Variants in SEMA6D observed in about 807,000 individuals in gnomAD.
SEMA6D encodes semaphorin-6D.
Under a neutral mutation model 106.6 loss-of-function variants are expected in SEMA6D, and 35 were observed. The ratio of observed to expected loss-of-function variants is 0.33; its 90% CI spans 0.25 to 0.44. The LOEUF is 0.44. SEMA6D is among the 20% of genes least tolerant of loss of function. The probability of loss-of-function intolerance (pLI) is 1.00; values close to 1 mark genes in which losing one functional copy is unlikely to be tolerated. For missense variants in SEMA6D, 1,185 were observed against 1,345.9 expected (o/e 0.88, Z 1.87); for synonymous variants, 499 against 487.7 (o/e 1.02, Z -0.31).
chr15:47,420,643 G>T (rs1055293323), intron 2 of SEMA6D, among the ~76,000 whole-genome samples: 10 of 152,076 alleles, frequency 6.6e-5, no homozygotes, highest in African/African-American at 2.4e-4. Context: ...CTGTTGTTGA[G>T]TCATAAGTGA....
At chr15:47,747,661 T>A (rs2081218729) in intron 1 of SEMA6D, among the ~76,000 whole-genome samples, 1 of 152,154 alleles carries the variant, frequency 6.6e-6, no homozygotes, top group Non-Finnish European at 1.5e-5. Context: ...CCCTTTCTTC[T>A]CTCCCATAGT....
At chr15:47,227,569 TCACACACA>T (rs1555407289) in intron 1 of SEMA6D, among the ~76,000 whole-genome samples, 6 of 127,898 alleles carry the variant, frequency 4.7e-5, no homozygotes, top group East Asian at 2.2e-4. Context: ...TCTCTCTCTC[TCACACACA>T]CACACACACA....
intron 1 of SEMA6D, among the ~76,000 whole-genome samples, chr15:47,323,985 C>CAA (rs11299568): frequency 3.5e-5 from 5 of 143,142 alleles, no homozygotes; most frequent in Admixed American, 2.1e-4. Context: ...ATACAAGTGG[C>CAA]AAAAAAAAAA....
chr15:47,251,908 T>A (rs1331759342), intron 1 of SEMA6D, among the ~76,000 whole-genome samples: 1 of 75,612 alleles, frequency 1.3e-5, no homozygotes, highest in Non-Finnish European at 2.4e-5. Flanking sequence ...TCTAATTGGA[T>A]TTTTTTTTTT....
chr15:47,335,301 G>T (rs2037508156), intron 1 of SEMA6D, among the ~76,000 whole-genome samples: 1 of 152,090 alleles, frequency 6.6e-6, no homozygotes, highest in Non-Finnish European at 1.5e-5. Context: ...ACATGTTTGG[G>T]TTGATGCAGA....
intron 1 of SEMA6D, among the ~76,000 whole-genome samples, chr15:47,723,729 C>G (rs947463693): frequency 6.6e-6 from 1 of 151,686 alleles, no homozygotes; most frequent in South Asian, 2.1e-4. Context: ...TTCAGGATCT[C>G]TATGAGAAGA....
At chr15:47,623,864 A>G (rs539620967) in intron 4 of SEMA6D, among the ~76,000 whole-genome samples, 1 of 152,302 alleles carries the variant, frequency 6.6e-6, no homozygotes, top group South Asian at 2.1e-4. Context: ...TCTATAATCC[A>G]TTCTTCACAC....
intron 1 of SEMA6D, among the ~76,000 whole-genome samples, chr15:47,731,519 G>A (rs911049584): frequency 6.6e-6 from 1 of 152,180 alleles, no homozygotes; most frequent in African/African-American, 2.4e-5. Flanking sequence ...AGCCCTCATT[G>A]AGCATGGTCT....
chr15:47,342,315 A>G (rs746103133), intron 1 of SEMA6D, among the ~76,000 whole-genome samples: 13 of 152,198 alleles, frequency 8.5e-5, no homozygotes, highest in Non-Finnish European at 1.9e-4. Context: ...CACTAGATTC[A>G]TGAGTTGTTC....
chr15:47,559,742 C>T (rs1237444000), intron 3 of SEMA6D, among the ~76,000 whole-genome samples: 3 of 152,030 alleles, frequency 2.0e-5, no homozygotes, highest in African/African-American at 2.4e-5. Context: ...CCCAAAAATA[C>T]CAGGTCAATG....
intron 1 of SEMA6D, among the ~76,000 whole-genome samples, chr15:47,380,049 C>A (rs1346051270): frequency 1.3e-5 from 2 of 152,166 alleles, no homozygotes; most frequent in African/African-American, 2.4e-5. Context: ...AGCCACCATG[C>A]CCGGCCAAGA....
chr15:47,438,442 T>C (rs2041788245), intron 2 of SEMA6D, among the ~76,000 whole-genome samples: 1 of 152,096 alleles, frequency 6.6e-6, no homozygotes, highest in African/African-American at 2.4e-5. Flanking sequence ...TTGCACACAG[T>C]AAAAGCCAAC....
chr15:47,410,728 G>C (rs991700406), intron 1 of SEMA6D, among the ~76,000 whole-genome samples: 9 of 152,120 alleles, frequency 5.9e-5, no homozygotes, highest in African/African-American at 2.4e-5. Flanking sequence ...TCTTTAGGAA[G>C]TAAGGCCAAA....
intron 1 of SEMA6D, among the ~76,000 whole-genome samples, chr15:47,381,086 T>C (rs970982574): frequency 2.0e-5 from 3 of 152,274 alleles, no homozygotes; most frequent in Non-Finnish European, 1.5e-5. Flanking sequence ...GCTACCAGCC[T>C]GAAGGGCTGA....
At chr15:47,248,312 T>A (rs2141880250) in intron 1 of SEMA6D, among the ~76,000 whole-genome samples, 1 of 152,322 alleles carries the variant, frequency 6.6e-6, no homozygotes, top group East Asian at 1.9e-4. Context: ...GCATTGTATC[T>A]CATTATCAGG....
At chr15:47,530,479 A>T (rs1054633654) in intron 3 of SEMA6D, among the ~76,000 whole-genome samples, 1 of 152,242 alleles carries the variant, frequency 6.6e-6, no homozygotes, top group African/African-American at 2.4e-5. Flanking sequence ...TATAAAATAT[A>T]TACGTAAACT....
intron 1 of SEMA6D, among the ~76,000 whole-genome samples, chr15:47,336,264 C>T (rs1039263488): frequency 6.6e-6 from 1 of 152,172 alleles, no homozygotes; most frequent in Admixed American, 6.6e-5. Flanking sequence ...GGGGATGTTT[C>T]CCCTACCTAA....
chr15:47,262,984 T>C (rs117597112), intron 1 of SEMA6D, among the ~76,000 whole-genome samples: 2 of 150,148 alleles, frequency 1.3e-5, no homozygotes, highest in East Asian at 3.9e-4. Context: ...CTGGGATATC[T>C]AGCTAGCTGT....
At chr15:47,730,281 C>G in intron 1 of SEMA6D, 9 of 1,534,864 alleles carry the variant, frequency 5.9e-6, no homozygotes, top group Non-Finnish European at 8.0e-6. Flanking sequence ...GTCCTGATAG[C>G]TTCCACCAGC....
Sources: gnomAD v4.1 joint callset for allele counts (sites outside exome capture counted in the v4.1 genomes callset) on GRCh38, gnomAD v4.1.1 for gene constraint, MANE v1.5 for transcripts, NCBI Gene and HGNC (gene_info 2026-07-23, HGNC 2026-07-21) for gene names.